The following AGAP1 variants were observed in gnomAD, a reference collection of about 807,000 sequenced individuals.
AGAP1 encodes ArfGAP with GTPase domain, ankyrin repeat and PH domain 1.
A neutral mutation model predicts 105.3 loss-of-function variants in AGAP1; 29 were observed. That is an observed-to-expected ratio of 0.28 (90% CI 0.21 to 0.38). AGAP1 has a LOEUF of 0.38. Ranked by LOEUF, AGAP1 falls within the 10% of genes least tolerant of loss-of-function variation. The pLI is 1.00. For missense variants in AGAP1, 998 were observed against 1,165.1 expected (o/e 0.86, Z 2.09); for synonymous variants, 509 against 485.9 (o/e 1.05, Z -0.63).
intron 13 of AGAP1, among the ~76,000 whole-genome samples, chr2:236,008,502 G>A (rs1202190295): frequency 1.3e-5 from 2 of 152,160 alleles, no homozygotes; most frequent in African/African-American, 4.8e-5. Context: ...CTTCTTTTCA[G>A]TCCCTGTGAA....
rs895132570 is a variant in AGAP1, at chr2:236,079,777, A to G, written c.2114+30496A>G. Among the ~76,000 whole-genome samples the G allele has an allele frequency of 7.9e-5, 12 of 152,056 alleles. 1 individual carries two copies. Among genetic ancestry groups the G allele is most frequent in the African/African-American group, 2.7e-4 (11 of 41,414 alleles). ...TACAGACGGAGGGAACCCCCATGCA[A>G]AGGTATAAAAGAGGACCCCCCAATA... On this transcript the variant is annotated intron_variant, in intron 16 of 17. Coordinates refer to ENST00000304032, the MANE Select transcript of AGAP1 (RefSeq NM_001037131.3).
Position 235,614,986 on chromosome 2 carries a change from G to A in AGAP1, c.164-94193G>A, listed in dbSNP as rs564979667. On this transcript the variant is annotated intron_variant, in intron 1 of 17. Transcript: ENST00000304032. This position sits in a 1 kb window ranked among gnomAD's most constrained non-coding sequence, Gnocchi z 4.7. ...GTAAACTTCTGCCTGTGTGTGGTGCGCTCAAATAAAGGAGGCTGTTCAAGG... is the reference window on the plus strand; with the variant it reads ...GTAAACTTCTGCCTGTGTGTGGTGCACTCAAATAAAGGAGGCTGTTCAAGG... Among the ~76,000 whole-genome samples the A allele has an allele frequency of 2.0e-5, 3 of 152,324 alleles. No homozygotes were observed. Among genetic ancestry groups the A allele is most frequent in the South Asian group, 2.1e-4 (1 of 4,826 alleles).
chr2:235,752,508 C>T lies in AGAP1; in HGVS notation c.673+2020C>T, dbSNP rs753719184. Among the ~76,000 whole-genome samples the T allele has an allele frequency of 7.2e-5, 11 of 152,232 alleles. No individual in the cohort carries two copies. The highest frequency in any genetic ancestry group is 3.9e-4 in the East Asian group (2 of 5,146). ...ATAGACTTTTCATGACGCAGAGCCA[C>T]GCTTTGTGTCGATGGGCTGCAGCGG... On this transcript the variant is annotated intron_variant, in intron 6 of 17. Transcript: ENST00000304032. This position sits in a 1 kb window ranked among gnomAD's most constrained non-coding sequence, Gnocchi z 4.3.
intron 9 of AGAP1, among the ~76,000 whole-genome samples, chr2:235,816,773 C>T (rs1378977781): frequency 6.6e-6 from 1 of 152,006 alleles, no homozygotes; most frequent in East Asian, 1.9e-4. Context: ...CACCTGTAAT[C>T]CCACCTACCT....
rs1025221229 is a variant in AGAP1 at position 235,919,486 on chromosome 2, C to T, written c.1324+10580C>T. 6.6e-6 allele frequency among the ~76,000 whole-genome samples: 1 copy of T among 152,070 alleles called. No homozygotes were observed. Among genetic ancestry groups the T allele is most frequent in the Non-Finnish European group, 1.5e-5 (1 of 68,024 alleles). The stretch of plus-strand genomic sequence containing the variant: ...CCTCATGTTATCAGACTTGTGAGCC[C>T]GGGGTACTCCTTGGTGCTTTGTCTT... On this transcript the variant is annotated intron_variant, in intron 11 of 17. Transcript: ENST00000304032. The surrounding 1 kb of genome is among the most constrained non-coding windows in gnomAD (Gnocchi z 4.1).
chr2:236,041,863 C>T (rs1424471103), intron 15 of AGAP1, among the ~76,000 whole-genome samples: 5 of 152,112 alleles, frequency 3.3e-5, no homozygotes, highest in Admixed American at 2.6e-4. Context: ...GCCACCCATG[C>T]AGGAGCTGTC....
intron 9 of AGAP1, among the ~76,000 whole-genome samples, chr2:235,841,169 C>A (rs555375058): frequency 6.6e-6 from 1 of 152,138 alleles, no homozygotes; most frequent in African/African-American, 2.4e-5. Flanking sequence ...CAAGTGTAGA[C>A]ACCGCCTAGG....
chr2:236,074,402 T>G (rs1162779283), intron 16 of AGAP1, among the ~76,000 whole-genome samples: 1 of 152,218 alleles, frequency 6.6e-6, no homozygotes, highest in African/African-American at 2.4e-5. Flanking sequence ...CTGGGTGTTC[T>G]GTGCACACTC....
intron 1 of AGAP1, among the ~76,000 whole-genome samples, chr2:235,563,477 AG>A (rs1383329882): frequency 6.6e-6 from 1 of 151,396 alleles, no homozygotes; most frequent in African/African-American, 2.4e-5. Flanking sequence ...CCTTCTGTGG[AG>A]GAAAGTAATG....
rs533003751 is a variant in AGAP1 at position 236,130,718 on chromosome 2, C to G, written c.*6596C>G. 1 of 152,494 alleles carries G rather than the reference C, an allele frequency of 6.6e-6. No homozygotes were observed. The highest frequency in any genetic ancestry group is 1.5e-5 in the Non-Finnish European group (1 of 68,256). The allele number at this position is 152,494 out of a possible 1,614,324, so 9.4% of individuals were successfully genotyped here. A position where few individuals can be genotyped will look rare whatever the true frequency, so the allele number is the denominator to read the frequency against. ...CAGACACTGGAAGCAGCCCAGCCCCCTGCCCAATACCACAGCCCTGGGGTG... is the reference window on the plus strand; with the variant it reads ...CAGACACTGGAAGCAGCCCAGCCCCGTGCCCAATACCACAGCCCTGGGGTG... On this transcript the variant is annotated 3_prime_UTR_variant, in exon 18 of 18. Coordinates refer to ENST00000304032, the MANE Select transcript of AGAP1 (RefSeq NM_001037131.3). The surrounding 1 kb of genome is among the most constrained non-coding windows in gnomAD (Gnocchi z 5.8).
chr2:235,899,661 A>T (rs1215675180), intron 10 of AGAP1, among the ~76,000 whole-genome samples: 1 of 152,236 alleles, frequency 6.6e-6, no homozygotes, highest in Non-Finnish European at 1.5e-5. Flanking sequence ...CTAACTATTG[A>T]TCCAGTTGTT....
At chr2:235,652,334 C>T (rs955008904) in intron 1 of AGAP1, among the ~76,000 whole-genome samples, 9 of 151,906 alleles carry the variant, frequency 5.9e-5, no homozygotes, top group African/African-American at 2.2e-4. Context: ...GCCCTCAGAC[C>T]CCCCCTACCC....
Position 235,934,095 on chromosome 2 carries a change from A to G in AGAP1, c.1483+3172A>G, listed in dbSNP as rs1249870340. 2.0e-5 allele frequency among the ~76,000 whole-genome samples: 3 copies of G among 152,142 alleles called. No individual in the cohort carries two copies. The highest frequency in any genetic ancestry group is 7.2e-5 in the African/African-American group (3 of 41,422). ...TTCAGCTCTCCATCACTGCATGTCA[A>G]GGTGTGCCTCCAGGAGCAGCAGCAG... On this transcript the variant is annotated intron_variant, in intron 12 of 17. Coordinates refer to ENST00000304032, the MANE Select transcript of AGAP1 (RefSeq NM_001037131.3). The surrounding 1 kb of genome is among the most constrained non-coding windows in gnomAD (Gnocchi z 4.9).
At chr2:235,529,891 G>A (rs1942984228) in intron 1 of AGAP1, among the ~76,000 whole-genome samples, 1 of 152,228 alleles carries the variant, frequency 6.6e-6, no homozygotes, top group South Asian at 2.1e-4. Context: ...CCACCTTGTT[G>A]GGTGATGAGG....
At position 235,659,051 on chromosome 2, in the gene AGAP1, G is replaced by A. The variant is rs1380474964; in HGVS notation, c.164-50128G>A. On this transcript the variant is annotated intron_variant, in intron 1 of 17. Transcript: ENST00000304032. The surrounding 1 kb of genome is among the most constrained non-coding windows in gnomAD (Gnocchi z 5.0). ...CTTTGAGAGGCCCTCCATTGTTCCCGCCCTGCCAACTTCCACGCCAGCCTC... is the reference window on the plus strand; with the variant it reads ...CTTTGAGAGGCCCTCCATTGTTCCCACCCTGCCAACTTCCACGCCAGCCTC... Among the ~76,000 whole-genome samples the A allele has an allele frequency of 2.0e-5, 3 of 152,092 alleles. No individual in the cohort carries two copies. Among genetic ancestry groups the A allele is most frequent in the Admixed American group, 6.6e-5 (1 of 15,264 alleles).
chr2:235,998,052 A>G (rs977921364), intron 13 of AGAP1, among the ~76,000 whole-genome samples: 26 of 152,330 alleles, frequency 1.7e-4, no homozygotes, highest in African/African-American at 6.3e-4. Flanking sequence ...GTAAACTGAG[A>G]GACTAACAAA....
intron 16 of AGAP1, among the ~76,000 whole-genome samples, chr2:236,115,153 C>T (rs1372808665): frequency 1.3e-5 from 2 of 152,250 alleles, no homozygotes; most frequent in African/African-American, 4.8e-5. Context: ...TTCCCCCACA[C>T]GTGCCGCTTC....
chr2:235,763,455 T>A (rs1210344544), intron 6 of AGAP1, among the ~76,000 whole-genome samples: 1 of 152,188 alleles, frequency 6.6e-6, no homozygotes, highest in Non-Finnish European at 1.5e-5. Flanking sequence ...ATTAGACATT[T>A]GGTTGGTTTT....
At chr2:235,954,410 T>C (rs922368250) in intron 12 of AGAP1, among the ~76,000 whole-genome samples, 2 of 151,912 alleles carry the variant, frequency 1.3e-5, no homozygotes, top group Admixed American at 6.6e-5. Context: ...GCGCTGCTCA[T>C]AGGCACGGTG....
Sources: gnomAD v4.1 joint callset for allele counts (sites outside exome capture counted in the v4.1 genomes callset) on GRCh38, gnomAD v4.1.1 for gene constraint, Gnocchi (gnomAD v3.1) non-coding constraint, MANE v1.5 for transcripts, NCBI Gene and HGNC (gene_info 2026-07-23, HGNC 2026-07-21) for gene names.